The following PRP4K variants were observed in gnomAD, a reference collection of about 807,000 sequenced individuals.
PRP4K encodes serine/threonine-protein kinase PRP4 homolog.
the PRP4K span, among the ~76,000 whole-genome samples, chr6:4,029,755 A>G: frequency 6.6e-6 from 1 of 152,104 alleles, no homozygotes; most frequent in Non-Finnish European, 1.5e-5. Flanking sequence ...TCTACAAAAC[A>G]GTGTCCCTGA....
the PRP4K span, among the ~76,000 whole-genome samples, chr6:4,037,971 G>A: frequency 6.6e-6 from 1 of 151,538 alleles, no homozygotes; most frequent in Non-Finnish European, 1.5e-5. Context: ...CTTAGGCAAA[G>A]GCCTATTTAA....
chr6:4,063,811 A>G, the PRP4K span: 3 of 152,174 alleles, frequency 2.0e-5, no homozygotes, highest in Non-Finnish European at 2.9e-5. Flanking sequence ...TCCTGAATAA[A>G]TGTGCATTCC....
the PRP4K span, chr6:4,044,176 C>G: frequency 1.5e-6 from 1 of 667,192 alleles, no homozygotes; most frequent in Non-Finnish European, 2.5e-6. Flanking sequence ...TTAAATATGT[C>G]CTTAGAAATG....
At chr6:4,049,608 C>T in the PRP4K span, 1 of 954,896 alleles carries the variant, frequency 1.0e-6, no homozygotes, top group Non-Finnish European at 1.6e-6. Flanking sequence ...TTTGATTCTT[C>T]ATTGTGTCTA....
the PRP4K span, chr6:4,037,512 C>G: frequency 6.2e-7 from 1 of 1,614,032 alleles, no homozygotes; most frequent in Non-Finnish European, 8.5e-7. Context: ...AAGGAGGTCT[C>G]GTTCCCCACT....
the PRP4K span, chr6:4,061,219 G>T: frequency 6.5e-6 from 1 of 152,920 alleles, no homozygotes. Context: ...AATGAGGGAT[G>T]TTAGCTTTGT....
the PRP4K span, chr6:4,062,355 G>A: frequency 2.0e-5 from 3 of 152,622 alleles, no homozygotes; most frequent in East Asian, 5.8e-4. The surrounding 1 kb of genome is among the most constrained non-coding windows in gnomAD (Gnocchi z 4.2). Context: ...AGACAAAATC[G>A]TTTAAATCAG....
the PRP4K span, among the ~76,000 whole-genome samples, chr6:4,031,217 G>T: frequency 6.6e-6 from 1 of 152,140 alleles, no homozygotes; most frequent in Non-Finnish European, 1.5e-5. Context: ...TTACTGAGTG[G>T]CTTCTTGTAC....
the PRP4K span, among the ~76,000 whole-genome samples, chr6:4,026,050 G>A: frequency 1.3e-5 from 2 of 152,182 alleles, no homozygotes; most frequent in Admixed American, 6.5e-5. Flanking sequence ...TGCACAGGCT[G>A]GAGTGCAATG....
At chr6:4,021,543 A>C in the PRP4K span, 2 of 1,541,912 alleles carry the variant, frequency 1.3e-6, no homozygotes, top group Non-Finnish European at 1.8e-6. Flanking sequence ...GTGGCGGGAA[A>C]GTTCGGGCCT....
chr6:4,049,633 A>T, the PRP4K span: 1 of 1,208,776 alleles, frequency 8.3e-7, no homozygotes, highest in Non-Finnish European at 1.2e-6. Flanking sequence ...ACCAAATAGT[A>T]GAGATTTAAC....
chr6:4,047,403 A>G, the PRP4K span, among the ~76,000 whole-genome samples: 4 of 152,258 alleles, frequency 2.6e-5, no homozygotes, highest in Admixed American at 1.3e-4. Context: ...TTTGCATCTT[A>G]TAAGTCTAAA....
At chr6:4,043,153 C>G in the PRP4K span, among the ~76,000 whole-genome samples, 1 of 152,130 alleles carries the variant, frequency 6.6e-6, no homozygotes, top group Non-Finnish European at 1.5e-5. Flanking sequence ...ACAGCTGTGG[C>G]AGCTTACCTA....
At chr6:4,055,094 A>T in the PRP4K span, among the ~76,000 whole-genome samples, 9 of 152,224 alleles carry the variant, frequency 5.9e-5, no homozygotes, top group African/African-American at 1.9e-4. Context: ...AATTTCAGGT[A>T]TCAGTGTGGT....
the PRP4K span, among the ~76,000 whole-genome samples, chr6:4,040,462 A>G: frequency 1.3e-5 from 2 of 152,270 alleles, no homozygotes; most frequent in African/African-American, 4.8e-5. Context: ...TTATCCCCAT[A>G]GAGCTTATAT....
At chr6:4,053,293 T>A in the PRP4K span, among the ~76,000 whole-genome samples, 2 of 152,124 alleles carry the variant, frequency 1.3e-5, no homozygotes, top group Non-Finnish European at 2.9e-5. Flanking sequence ...TAAAGCTCAG[T>A]TGTGGTTAGG....
chr6:4,030,412 T>TTCC, the PRP4K span, among the ~76,000 whole-genome samples: 1 of 152,224 alleles, frequency 6.6e-6, no homozygotes, highest in Non-Finnish European at 1.5e-5. Flanking sequence ...AATCCATAGC[T>TTCC]TCCTCCAAAA....
chr6:4,033,737 A>G, the PRP4K span, among the ~76,000 whole-genome samples: 1 of 152,224 alleles, frequency 6.6e-6, no homozygotes, highest in African/African-American at 2.4e-5. Flanking sequence ...AAGTGAAGTC[A>G]TCATATTTTC....
At chr6:4,021,740 G>A in the PRP4K span, among the ~76,000 whole-genome samples, 1 of 152,188 alleles carries the variant, frequency 6.6e-6, no homozygotes, top group African/African-American at 2.4e-5. Context: ...GGTCCGGTGC[G>A]CGTGGCGGCT....
Sources: gnomAD v4.1 joint callset for allele counts (sites outside exome capture counted in the v4.1 genomes callset) on GRCh38, gnomAD v4.1.1 for gene constraint, Gnocchi (gnomAD v3.1) non-coding constraint, MANE v1.5 for transcripts, NCBI Gene and HGNC (gene_info 2026-07-23, HGNC 2026-07-21) for gene names.